The following ATAD5 variants were observed in gnomAD, a reference collection of about 807,000 sequenced individuals.
ATAD5 encodes ATPase family AAA domain containing 5.
In ATAD5, 58 loss-of-function variants were observed where a neutral mutation model predicts 176.9. That is an observed-to-expected ratio of 0.33 (90% confidence interval 0.27 to 0.41). The LOEUF (loss-of-function observed/expected upper bound fraction) is 0.41. Ranked by LOEUF, ATAD5 falls within the 10% of genes least tolerant of loss-of-function variation. The pLI is 1.00. For missense variants in ATAD5, 1,789 were observed against 2,094.1 expected (o/e 0.85, Z 2.84); for synonymous variants, 640 against 712.6 (o/e 0.90, Z 1.62).
At position 30,865,136 on chromosome 17, in the gene ATAD5, T is replaced by TA. The variant is rs869203389; in HGVS notation, c.3137-555dup. Among the ~76,000 whole-genome samples the TA allele has an allele frequency of 9.6e-3, 1,308 of 136,112 alleles. 12 individuals carry two copies. The highest frequency in any genetic ancestry group is 0.017 in the African/African-American group (643 of 37,542). 89.3% of individuals were successfully genotyped at this position (136,112 alleles called of 152,430 possible). A position where few individuals can be genotyped will look rare whatever the true frequency, so the allele number is the denominator to read the frequency against. ...TGATTGCTGGGCCAGATGGTAATCC[T>TA]AAAAAAAAAAAAACCAATGTTTAAG... On this transcript the variant is annotated intron_variant, in intron 10 of 22. Coordinates refer to ENST00000321990, the MANE Select transcript of ATAD5 (RefSeq NM_024857.5).
intron 18 of ATAD5, among the ~76,000 whole-genome samples, chr17:30,881,328 A>G (rs986460565): frequency 5.3e-5 from 8 of 151,830 alleles, no homozygotes; most frequent in African/African-American, 1.5e-4. Flanking sequence ...TAGTGGCACA[A>G]TTGTCCTGTT....
intron 17 of ATAD5, 111 bp downstream of exon 17, chr17:30,878,207 G>T: frequency 5.3e-6 from 4 of 750,168 alleles, no homozygotes. Flanking sequence ...TTTTAAAATT[G>T]ATACTACTTT....
chr17:30,852,098 A>G, intron 6 of ATAD5, among the ~76,000 whole-genome samples: 1 of 152,148 alleles, frequency 6.6e-6, no homozygotes, highest in East Asian at 1.9e-4. Flanking sequence ...TATTGCAGTC[A>G]TTCTTTCTTT....
intron 17 of ATAD5, 71 bp downstream of exon 17, chr17:30,878,167 T>G: frequency 2.9e-6 from 3 of 1,018,128 alleles, no homozygotes; most frequent in Non-Finnish European, 4.4e-6. Flanking sequence ...ACTGGAGTAA[T>G]TATAATTAAC....
At chr17:30,883,751 A>G (rs775626618) in intron 18 of ATAD5, among the ~76,000 whole-genome samples, 2 of 151,966 alleles carry the variant, frequency 1.3e-5, no homozygotes, top group Non-Finnish European at 2.9e-5. Flanking sequence ...GGGTTTCACC[A>G]TGTTAGCCAG....
rs753364681 is a variant in ATAD5, at chr17:30,834,861, T to G, written c.780T>G (p.Asp260Glu). 4 of 1,613,398 alleles carry G rather than the reference T, an allele frequency of 2.5e-6. No homozygotes were observed. The highest frequency in any genetic ancestry group is 3.4e-6 in the Non-Finnish European group (4 of 1,179,612). The stretch of plus-strand genomic sequence containing the variant: ...TAACTGAAGCAGCCCAGTTAAATGA[T>G]AGTATAATAACTGTCTCATATGAGG... ...DNVTEAAQLN[D>E]SIITVSYEEF... Residue 260 changes from aspartate (D) to glutamate (E), a missense_variant, in exon 2 of 23, where the codon GAT (aspartate) becomes GAG (glutamate). Transcript: ENST00000321990.
intron 18 of ATAD5, among the ~76,000 whole-genome samples, chr17:30,883,406 C>G (rs73263772): frequency 0.099 from 14,989 of 151,956 alleles, 2,150 homozygotes; most frequent in African/African-American, 0.32. Context: ...GTATTACATG[C>G]GTGAGCCACA....
chr17:30,878,071 A>G lies in ATAD5; in HGVS notation c.3987A>G (p.Lys1329=). The change falls in exon 17 of 23, where the codon AAA becomes AAG. Residue 1329 remains lysine, a synonymous_variant. Coordinates refer to ENST00000321990, the MANE Select transcript of ATAD5 (RefSeq NM_024857.5). ...NAIKTFMATT[K]RPVILTTSDP... Reference sequence around the variant, plus strand: ...TCAAAACATTCATGGCAACAACTAAACGACCTGTAATCCTTACTACAAGTG... The same window carrying G: ...TCAAAACATTCATGGCAACAACTAAGCGACCTGTAATCCTTACTACAAGTG... 8 of 1,611,536 alleles carry G rather than the reference A, an allele frequency of 5.0e-6. No individual in the cohort carries two copies. The highest frequency in any genetic ancestry group is 6.8e-6 in the Non-Finnish European group (8 of 1,178,508).
intron 6 of ATAD5, among the ~76,000 whole-genome samples, chr17:30,852,368 C>T (rs979020247): frequency 2.0e-5 from 3 of 152,126 alleles, no homozygotes; most frequent in Admixed American, 1.3e-4. Flanking sequence ...TGCCTTGTCT[C>T]AGCTCTGCAG....
At chr17:30,832,522 A>AATGTCCCACC in intron 1 of ATAD5, 109 bp downstream of exon 1, 1 of 1,133,442 alleles carries the variant, frequency 8.8e-7, no homozygotes, top group Non-Finnish European at 1.2e-6. Flanking sequence ...AAGGTGGGAC[A>AATGTCCCACC]TTGTGAGGAC....
intron 2 of ATAD5, among the ~76,000 whole-genome samples, chr17:30,836,975 A>G (rs1457222565): frequency 6.6e-6 from 1 of 152,058 alleles, no homozygotes; most frequent in Non-Finnish European, 1.5e-5. Context: ...TTTGCTGTCT[A>G]TCTATCTGTC....
In ATAD5 at chr17:30,855,233, A is replaced by T; in HGVS notation, c.2541A>T (p.Lys847Asn). Residue 847 changes from lysine to asparagine, a missense_variant, in exon 7 of 23, where the codon AAA becomes AAT. Coordinates refer to ENST00000321990, the MANE Select transcript of ATAD5 (RefSeq NM_024857.5). The part of the protein sequence containing the change: ...FLMSGLPDLL[K>N]RQIAKKAAAL... ...TGAGTGGTTTGCCAGATTTGTTGAA[A>T]CGGCAAATTGCAAAGAAAGCTGCTG... The T allele has an allele frequency of 6.2e-7, 1 of 1,614,144 alleles. No homozygotes were observed. The highest frequency in any genetic ancestry group is 8.5e-7 in the Non-Finnish European group (1 of 1,180,000).
intron 6 of ATAD5, among the ~76,000 whole-genome samples, chr17:30,853,218 C>T (rs1224546359): frequency 6.6e-6 from 1 of 152,052 alleles, no homozygotes; most frequent in African/African-American, 2.4e-5. Flanking sequence ...TTGGAGGGGA[C>T]ACACATCCAA....
chr17:30,832,735 G>C (rs1298981955), intron 1 of ATAD5, among the ~76,000 whole-genome samples: 1 of 152,180 alleles, frequency 6.6e-6, no homozygotes, highest in Non-Finnish European at 1.5e-5. Flanking sequence ...GAGGATCCCA[G>C]GGTCAAGTTC....
Position 30,834,542 on chromosome 17 carries a change from G to C in ATAD5, c.461G>C (p.Ser154Thr), listed in dbSNP as rs750477216. The C allele has an allele frequency of 6.3e-7, 1 of 1,596,632 alleles. No homozygotes were observed. Among genetic ancestry groups the C allele is most frequent in the East Asian group, 2.2e-5 (1 of 44,770 alleles). The change falls in exon 2 of 23, where the codon AGT becomes ACT. Residue 154 changes from serine (S) to threonine (T), a missense_variant. Ser to Thr is a moderately conservative substitution (Grantham distance 58). Coordinates refer to ENST00000321990, the MANE Select transcript of ATAD5 (RefSeq NM_024857.5). ...AGTTTAAATAATGATTTTGTGGAAA[G>C]TAGTACTTCTGTTTTACGTTACAAG... The part of the protein sequence containing the change: ...DYSLNNDFVE[S>T]STSVLRYKKQ...
intron 6 of ATAD5, among the ~76,000 whole-genome samples, chr17:30,851,495 C>CA (rs533451681): frequency 0.011 from 1,202 of 105,330 alleles, 13 homozygotes; most frequent in African/African-American, 0.032. Flanking sequence ...GACTCTGTCT[C>CA]AAAAAAAAAA....
intron 19 of ATAD5, among the ~76,000 whole-genome samples, chr17:30,889,997 C>T (rs1198510464): frequency 2.7e-5 from 4 of 146,952 alleles, no homozygotes; most frequent in African/African-American, 1.0e-4. Flanking sequence ...CTCGAGCCGT[C>T]TTCCGCCCTG....
At chr17:30,878,718 G>GTTT (rs71142005) in intron 17 of ATAD5, among the ~76,000 whole-genome samples, 1,666 of 56,766 alleles carry the variant, frequency 0.029, 402 homozygotes, top group Non-Finnish European at 0.036. Flanking sequence ...GTTAGGTGGT[G>GTTT]TTTTTTTTTT....
Position 30,835,806 on chromosome 17 carries a change from A to C in ATAD5, c.1725A>C (p.Thr575=). The C allele has an allele frequency of 6.2e-7, 1 of 1,613,482 alleles. No homozygotes were observed. ...TSIPVKDIKL[T]QSKAESEASL... ...TACCAGTTAAAGATATTAAGCTTAC[A>C]CAGTCTAAAGCTGAATCTGAAGCCA... The change falls in exon 2 of 23, where the codon ACA becomes ACC. Residue 575 remains threonine (T), a synonymous_variant. Transcript: ENST00000321990.
Sources: gnomAD v4.1 joint callset for allele counts (sites outside exome capture counted in the v4.1 genomes callset) on GRCh38, gnomAD v4.1.1 for gene constraint, MANE v1.5 for transcripts, NCBI Gene and HGNC (gene_info 2026-07-23, HGNC 2026-07-21) for gene names.